The following IFT46 variants were observed in gnomAD, a reference collection of about 807,000 sequenced individuals.
IFT46 encodes intraflagellar transport protein 46 homolog.
In IFT46, 19 loss-of-function variants were observed where a neutral mutation model predicts 39.6. The ratio of observed to expected loss-of-function variants is 0.48; its 90% CI spans 0.33 to 0.70. The LOEUF (loss-of-function observed/expected upper bound fraction) is 0.70, where lower values mean the gene tolerates loss of function less well. Ranked by LOEUF, IFT46 falls within the 30% of genes least tolerant of loss-of-function variation. IFT46 has a pLI of 0.01. For synonymous variants in IFT46, 117 were observed against 134.8 expected (o/e 0.87, Z 0.91); for missense variants, 334 against 364.8 (o/e 0.92, Z 0.69).
intron 3 of IFT46, chr11:118,557,493 T>A (rs1937881357): frequency 2.0e-6 from 1 of 503,078 alleles, no homozygotes; most frequent in Admixed American, 3.7e-5. Flanking sequence ...AATACTTAAT[T>A]TGCAAGACTG....
At chr11:118,568,753 G>A (rs183976169), upstream of IFT46, among the ~76,000 whole-genome samples, 533 of 151,106 alleles carry the variant, frequency 3.5e-3, no homozygotes, top group Admixed American at 9.6e-3. Flanking sequence ...TGCTATCTCT[G>A]CCTCGGGGTT....
intron 3 of IFT46, 50 bp from the exon 4 acceptor site, chr11:118,557,095 TG>T: frequency 6.7e-7 from 1 of 1,494,560 alleles, no homozygotes; most frequent in Admixed American, 2.3e-5. Context: ...AAAAATCAAA[TG>T]TACCTATGCC....
chr11:118,552,470 A>G (rs1591363542), intron 7 of IFT46, 135 bp from the exon 8 acceptor site: 1 of 1,029,534 alleles, frequency 9.7e-7, no homozygotes, highest in East Asian at 2.4e-5. Flanking sequence ...ACAGTAGCCA[A>G]ATGAAGGGGA....
intron 1 of IFT46, among the ~76,000 whole-genome samples, chr11:118,572,232 C>T (rs1938352770): frequency 6.6e-6 from 1 of 151,958 alleles, no homozygotes; most frequent in African/African-American, 2.4e-5. Flanking sequence ...AAGGCGATGA[C>T]AGTGAAAGGG....
At chr11:118,572,345 C>CCCCCCCCCCCCCCCCCCCCCT in intron 1 of IFT46, 2 of 141,862 alleles carry the variant, frequency 1.4e-5, no homozygotes, top group South Asian at 1.8e-4. Flanking sequence ...GCCCACAGGC[C>CCCCCCCCCCCCCCCCCCCCCT]CCGCCCCCCC....
chr11:118,551,291 T>C (rs1951797677), intron 9 of IFT46, among the ~76,000 whole-genome samples: 1 of 151,208 alleles, frequency 6.6e-6, no homozygotes. Context: ...GGAGAATCAC[T>C]TGAATTGGGA....
At chr11:118,573,572 C>T, upstream of IFT46, 3 of 644,280 alleles carry the variant, frequency 4.7e-6, no homozygotes, top group South Asian at 5.0e-5. Flanking sequence ...GTCCTTTAGT[C>T]TTTTGAAGGA....
chr11:118,554,977 G>C lies in IFT46; in HGVS notation c.354+13C>G, dbSNP rs1565347662. 6.4e-7 allele frequency: 1 copy of C among 1,558,966 alleles called. No individual in the cohort carries two copies. Among genetic ancestry groups the C allele is most frequent in the African/African-American group, 1.4e-5 (1 of 73,882 alleles). ...ACACTTAAGGAGTCATTTTCAGGAT[G>C]TACTGACTATACCTTTAAGAATGCA... On this transcript the variant is annotated intron_variant, in intron 6 of 11. Coordinates refer to ENST00000264021, the MANE Select transcript of IFT46 (RefSeq NM_001168618.2).
chr11:118,560,082 A>C lies in IFT46; in HGVS notation c.-35-218T>G, dbSNP rs1591369628. 5 of 525,712 alleles carry C rather than the reference A, an allele frequency of 9.5e-6. 1 individual carries two copies. In the East Asian group the frequency reaches 1.7e-4, roughly 18 times the overall value. 32.6% of individuals were successfully genotyped at this position (525,712 alleles called of 1,614,324 possible). The stretch of plus-strand genomic sequence containing the variant: ...TACTGTGCTTAAGGCATTGGGTTAG[A>C]CATTATACTATTCAAATTATCTGCC... On this transcript the variant is annotated intron_variant, in intron 2 of 11. Transcript: ENST00000264021.
At chr11:118,567,235 G>A (rs1482987269), upstream of IFT46, among the ~76,000 whole-genome samples, 1 of 151,582 alleles carries the variant, frequency 6.6e-6, no homozygotes, top group Non-Finnish European at 1.5e-5. Flanking sequence ...TCCAGCCTGG[G>A]CAACAGATCA....
chr11:118,558,239 A>G (rs1211442920), intron 3 of IFT46, among the ~76,000 whole-genome samples: 2 of 152,230 alleles, frequency 1.3e-5, no homozygotes, highest in Non-Finnish European at 2.9e-5. Flanking sequence ...ATTCTTTCTC[A>G]ATTCAAGATT....
chr11:118,572,025 G>A (rs1398025934), intron 1 of IFT46, among the ~76,000 whole-genome samples: 1 of 151,228 alleles, frequency 6.6e-6, no homozygotes, highest in African/African-American at 2.4e-5. Flanking sequence ...GGGAAGTGGA[G>A]GTTGCAGTGA....
chr11:118,546,310 C>A, intron 9 of IFT46: 2 of 604,604 alleles, frequency 3.3e-6, no homozygotes, highest in Non-Finnish European at 6.0e-6. Flanking sequence ...CCAGCCTGGG[C>A]AACATGGTGA....
chr11:118,549,548 CAG>C (rs1951769914), intron 9 of IFT46, among the ~76,000 whole-genome samples: 1 of 136,784 alleles, frequency 7.3e-6, no homozygotes, highest in Non-Finnish European at 1.5e-5. Context: ...TTTTTTGAGA[CAG>C]AGTCTCGCTC....
At chr11:118,576,426 T>TAAAAAAA (rs10671866), upstream of IFT46, among the ~76,000 whole-genome samples, 6 of 108,776 alleles carry the variant, frequency 5.5e-5, no homozygotes, top group Non-Finnish European at 7.0e-5. Flanking sequence ...CCAAAAATGT[T>TAAAAAAA]AAAAAAAAAA....
chr11:118,551,562 T>G (rs1555068453), intron 9 of IFT46, among the ~76,000 whole-genome samples: 2 of 149,924 alleles, frequency 1.3e-5, no homozygotes, highest in African/African-American at 4.9e-5. Flanking sequence ...TGGTCCCAGC[T>G]ACTGGTAAGG....
At chr11:118,571,245 G>A (rs552150128) in intron 1 of IFT46, among the ~76,000 whole-genome samples, 5 of 151,980 alleles carry the variant, frequency 3.3e-5, no homozygotes, top group African/African-American at 9.7e-5. Context: ...ATATTCTCAA[G>A]GTTCATCCAT....
chr11:118,546,070 C>T lies in IFT46; in HGVS notation c.673-217G>A, dbSNP rs1555067061. On this transcript the variant is annotated intron_variant, in intron 9 of 11. Transcript: ENST00000264021. Reference sequence around the variant, plus strand: ...CTTTAAAGAGATAATTAAATTAAAACAAGGTCATTAGGGTGGGCCTTAATC... The same window carrying T: ...CTTTAAAGAGATAATTAAATTAAAATAAGGTCATTAGGGTGGGCCTTAATC... 6 of 713,964 alleles carry T rather than the reference C, an allele frequency of 8.4e-6. No homozygotes were observed. The Admixed American group carries it at 1.2e-4, about 15-fold the overall frequency. The allele number at this position is 713,964 out of a possible 1,614,324, so 44.2% of individuals were successfully genotyped here. A position where few individuals can be genotyped will look rare whatever the true frequency, so the allele number is the denominator to read the frequency against.
intron 1 of IFT46, among the ~76,000 whole-genome samples, chr11:118,572,145 C>A (rs1456894591): frequency 3.3e-5 from 5 of 151,676 alleles, no homozygotes; most frequent in Admixed American, 3.3e-4. Flanking sequence ...TTTAGGCACA[C>A]AGGTTATCCT....
Sources: gnomAD v4.1 joint callset for allele counts (sites outside exome capture counted in the v4.1 genomes callset) on GRCh38, gnomAD v4.1.1 for gene constraint, MANE v1.5 for transcripts, NCBI Gene and HGNC (gene_info 2026-07-23, HGNC 2026-07-21) for gene names.